The following NOTCH3 variants were observed in gnomAD, a reference collection of about 807,000 sequenced individuals.
NOTCH3 encodes the protein neurogenic locus notch homolog protein 3.
Under a neutral mutation model 213.3 loss-of-function variants are expected in NOTCH3, and 86 were observed. The observed-to-expected ratio is 0.40, with a 90% CI of 0.34 to 0.48. The LOEUF (loss-of-function observed/expected upper bound fraction) is 0.48, where lower values mean the gene tolerates loss of function less well. Ranked by LOEUF, NOTCH3 falls within the 20% of genes least tolerant of loss-of-function variation. The pLI, the probability that NOTCH3 is intolerant of heterozygous loss-of-function variation, is 0.57. For synonymous variants in NOTCH3, 1,354 were observed against 1,355.9 expected (o/e 1.00, Z 0.03); for missense variants, 2,783 against 3,272.6 (o/e 0.85, Z 3.65).
rs370239685 is a variant in NOTCH3 at position 15,162,499 on chromosome 19, T to C, written c.5879A>G (p.Lys1960Arg). The change falls in exon 32 of 33, where the codon AAA (lysine) becomes AGA (arginine). Residue 1960 changes from lysine (K) to arginine (R), a missense_variant. By Grantham distance (26) the Lys-to-Arg change is conservative (BLOSUM62 2). This residue lies in a region of NOTCH3 where 636 missense variants were observed against 801.8 expected (regional missense o/e 0.79). Transcript: ENST00000263388. The part of the protein sequence containing the change: ...NNVEATLALL[K>R]NGANKDMQDS... Reference sequence around the variant, plus strand: ...CTGCATGTCCTTATTGGCTCCATTTTTGAGCAGGGCCAAAGTGGCTTCCAC... The same window carrying C: ...CTGCATGTCCTTATTGGCTCCATTTCTGAGCAGGGCCAAAGTGGCTTCCAC... 85 of 1,613,806 alleles carry C rather than the reference T, an allele frequency of 5.3e-5. No homozygotes were observed. In the Admixed American group the frequency reaches 1.3e-3, roughly 25 times the overall value.
In NOTCH3 at chr19:15,161,637, G is replaced by A; in HGVS notation, c.5991C>T (p.Asn1997=). The part of the protein sequence containing the change: ...AAKLLLDHFA[N]REITDHLDRL... ...TGTCCAGGTGGTCGGTGATCTCACG[G>A]TTGGCAAAGTGGTCCAACAGCAGCT... The change falls in exon 33 of 33, where the codon AAC becomes AAT. Residue 1997 remains asparagine, a synonymous_variant. Transcript: ENST00000263388. The A allele has an allele frequency of 6.2e-7, 1 of 1,613,804 alleles. No individual in the cohort carries two copies. The highest frequency in any genetic ancestry group is 1.3e-5 in the African/African-American group (1 of 75,062).
chr19:15,169,186 G>GTCTCTGTCTC (rs1555726050), intron 28 of NOTCH3, among the ~76,000 whole-genome samples: 8 of 146,746 alleles, frequency 5.5e-5, no homozygotes, highest in Non-Finnish European at 1.2e-4. Context: ...TGTCAAATCT[G>GTCTCTGTCTC]TCTCTCTCTC....
chr19:15,166,952 T>TC (rs2046690939), intron 29 of NOTCH3, among the ~76,000 whole-genome samples: 1 of 27,490 alleles, frequency 3.6e-5, no homozygotes, highest in Admixed American at 1.7e-4. Flanking sequence ...TCCTGAGACT[T>TC]TTCTGGAGCA....
chr19:15,160,853 A>G lies in NOTCH3; in HGVS notation c.6775T>C (p.Ser2259Pro), dbSNP rs2145380036. The change falls in exon 33 of 33, where the codon TCA becomes CCA. Residue 2259 changes from serine to proline, a missense_variant. Physicochemically the swap from Ser to Pro is moderately conservative, Grantham distance 74 (BLOSUM62 -1). Transcript: ENST00000263388. ...PESPEHWASP[S>P]PPSLSDWSES... ...GACCAGTCTGAGAGGGAGGGAGGTGAGGGGCTGGCCCAGTGCTCAGGGGAT... is the reference window on the plus strand; with the variant it reads ...GACCAGTCTGAGAGGGAGGGAGGTGGGGGGCTGGCCCAGTGCTCAGGGGAT... 6.2e-7 allele frequency: 1 copy of G among 1,613,066 alleles called. No homozygotes were observed.
intron 2 of NOTCH3, 88 bp downstream of exon 2, chr19:15,197,412 A>T (rs1365537503): frequency 8.5e-7 from 1 of 1,178,346 alleles, no homozygotes; most frequent in Non-Finnish European, 1.2e-6. Flanking sequence ...ATCCATGGTG[A>T]ACACAGAGGC....
intron 23 of NOTCH3, 41 bp from the exon 24 acceptor site, chr19:15,178,131 T>C: frequency 1.7e-6 from 2 of 1,209,002 alleles, no homozygotes; most frequent in Non-Finnish European, 2.3e-6. Flanking sequence ...AAAATGAGGG[T>C]GGGGAGTGGA....
At chr19:15,195,964 C>T (rs1430635023) in intron 2 of NOTCH3, among the ~76,000 whole-genome samples, 3 of 144,760 alleles carry the variant, frequency 2.1e-5, no homozygotes, top group African/African-American at 5.2e-5. Context: ...GAGGCGAGGA[C>T]TAGGAGATGG....
chr19:15,170,039 AG>A, intron 28 of NOTCH3, 46 bp downstream of exon 28: 1 of 1,101,320 alleles, frequency 9.1e-7, no homozygotes. Context: ...CAGTACCCTG[AG>A]GGGAGGGGTC....
chr19:15,188,481 C>G (rs1359789944), intron 8 of NOTCH3, 133 bp from the exon 9 acceptor site: 3 of 707,908 alleles, frequency 4.2e-6, no homozygotes, highest in Non-Finnish European at 2.5e-6. Context: ...ACACTCCCAG[C>G]CCAACCTTAA....
chr19:15,161,358 G>C lies in NOTCH3; in HGVS notation c.6270C>G (p.Gly2090=), dbSNP rs1568345483. The C allele has an allele frequency of 2.0e-6, 3 of 1,524,898 alleles. No homozygotes were observed. The East Asian group carries it at 7.3e-5, about 37-fold the overall frequency. The allele number at this position is 1,524,898 out of a possible 1,614,324, so 94.5% of individuals were successfully genotyped here. A position where few individuals can be genotyped will look rare whatever the true frequency, so the allele number is the denominator to read the frequency against. The change falls in exon 33 of 33, where the codon GGC becomes GGG. Residue 2090 remains glycine, a synonymous_variant. Transcript: ENST00000263388. ...RGKKLTLACP[G]PLADSSVTLS... ...GCGTGACCGAGCTGTCAGCCAGGGG[G>C]CCCGGGCAGGCCAGCGTCAGCTTCT...
Position 15,166,108 on chromosome 19 carries a change from G to A in NOTCH3, c.5363-17C>T, listed in dbSNP as rs2074619. The A allele has an allele frequency of 0.89, 1,438,085 of 1,611,540 alleles. 643,413 individuals are homozygous for A. Among genetic ancestry groups the A allele is most frequent in the African/African-American group, 0.97 (72,944 of 74,982 alleles). Reference sequence around the variant, plus strand: ...TGAAGCCATCTGCAGGGACAGGAGTGTGTCAGCAGGAAGGTAAACACAGGG... The same window carrying A: ...TGAAGCCATCTGCAGGGACAGGAGTATGTCAGCAGGAAGGTAAACACAGGG... On this transcript the variant is annotated splice_polypyrimidine_tract_variant and intron_variant, in intron 29 of 32. Transcript: ENST00000263388.
intron 4 of NOTCH3, 46 bp downstream of exon 4, chr19:15,191,914 G>T (rs1440170651): frequency 6.2e-7 from 1 of 1,613,616 alleles, no homozygotes; most frequent in Non-Finnish European, 8.5e-7. Flanking sequence ...CTGGCCTGCT[G>T]TCCCCACGCC....
intron 1 of NOTCH3, among the ~76,000 whole-genome samples, chr19:15,200,366 G>A (rs2047002782): frequency 6.6e-6 from 1 of 151,456 alleles, no homozygotes; most frequent in Admixed American, 6.6e-5. Context: ...CCCGCCCGGG[G>A]TGTCGGGGGC....
chr19:15,172,454 C>A (rs2046742193), intron 25 of NOTCH3, among the ~76,000 whole-genome samples: 1 of 152,064 alleles, frequency 6.6e-6, no homozygotes, highest in African/African-American at 2.4e-5. Context: ...TATCACTCAG[C>A]TTAGCCAGGG....
intron 2 of NOTCH3, among the ~76,000 whole-genome samples, chr19:15,196,550 A>T (rs2145449884): frequency 6.6e-6 from 1 of 152,310 alleles, no homozygotes; most frequent in East Asian, 1.9e-4. Flanking sequence ...TGAATAAATG[A>T]ATACATTAAT....
chr19:15,168,485 G>A (rs763787413), intron 28 of NOTCH3, among the ~76,000 whole-genome samples: 4 of 152,088 alleles, frequency 2.6e-5, no homozygotes, highest in East Asian at 1.9e-4. Flanking sequence ...GACATTCAGC[G>A]GGTGCCTCAG....
At chr19:15,166,205 C>G in intron 29 of NOTCH3, 114 bp from the exon 30 acceptor site, 1 of 876,434 alleles carries the variant, frequency 1.1e-6, no homozygotes, top group Non-Finnish European at 1.8e-6. Flanking sequence ...TGACAATTAG[C>G]AGATCCTCCT....
intron 17 of NOTCH3, 78 bp from the exon 18 acceptor site, chr19:15,181,240 T>C (rs953049819): frequency 2.8e-5 from 37 of 1,340,880 alleles, no homozygotes; most frequent in Non-Finnish European, 3.7e-5. Context: ...GTCCCGCTGT[T>C]AGCGCTGGGG....
intron 2 of NOTCH3, among the ~76,000 whole-genome samples, chr19:15,193,271 C>G (rs886798117): frequency 4.0e-5 from 6 of 150,966 alleles, no homozygotes; most frequent in African/African-American, 1.5e-4. Context: ...GAGTCTTGCT[C>G]TGTCACCCAG....
Sources: gnomAD v4.1 joint callset for allele counts (sites outside exome capture counted in the v4.1 genomes callset) on GRCh38, gnomAD v4.1.1 for gene constraint, gnomAD v4.1.1 regional missense constraint, MANE v1.5 for transcripts, NCBI Gene and HGNC (gene_info 2026-07-23, HGNC 2026-07-21) for gene names.